The following KCND2 variants were observed in gnomAD, a reference collection of about 807,000 sequenced individuals.
The protein encoded by KCND2 is A-type voltage-gated potassium channel KCND2.
A neutral mutation model predicts 54.4 loss-of-function variants in KCND2; 16 were observed. The ratio of observed to expected loss-of-function variants is 0.29; its 90% confidence interval spans 0.20 to 0.45. The LOEUF (loss-of-function observed/expected upper bound fraction) is 0.45. KCND2 is among the 20% of genes least tolerant of loss of function. KCND2 has a pLI of 1.00. For synonymous variants in KCND2, 317 were observed against 310.7 expected, an observed-to-expected ratio of 1.02 and a Z score of -0.21; for missense variants, 486 against 824.2, an observed-to-expected ratio of 0.59 and a Z score of 5.02.
At chr7:120,491,215 A>T (rs768120123) in intron 1 of KCND2, among the ~76,000 whole-genome samples, 2 of 152,148 alleles carry the variant, frequency 1.3e-5, no homozygotes, top group Non-Finnish European at 2.9e-5. Flanking sequence ...GGGTTCACTA[A>T]GTTGAAGATA....
chr7:120,628,298 C>T (rs1793186878), intron 1 of KCND2, among the ~76,000 whole-genome samples: 1 of 152,196 alleles, frequency 6.6e-6, no homozygotes. Flanking sequence ...AAACTATAAA[C>T]CAAATTCATG....
chr7:120,459,828 C>T (rs1802257287), intron 1 of KCND2, among the ~76,000 whole-genome samples: 1 of 152,126 alleles, frequency 6.6e-6, no homozygotes, highest in Non-Finnish European at 1.5e-5. Context: ...TATTTCTATC[C>T]TCATCCCTGT....
intron 1 of KCND2, among the ~76,000 whole-genome samples, chr7:120,551,418 A>G (rs1242594653): frequency 2.0e-5 from 3 of 152,186 alleles, no homozygotes; most frequent in African/African-American, 7.2e-5. Context: ...GCCAGACAGT[A>G]TCCTAGGTAT....
At chr7:120,312,352 A>G (rs1161313038) in intron 1 of KCND2, among the ~76,000 whole-genome samples, 1 of 151,946 alleles carries the variant, frequency 6.6e-6, no homozygotes, top group Admixed American at 6.6e-5. Flanking sequence ...GAACATGCAC[A>G]TACATGTGTT....
chr7:120,294,528 GTTATGA>G lies in KCND2; in HGVS notation c.1115+18788_1115+18793del, dbSNP rs574729256. Among the ~76,000 whole-genome samples, 38 of 151,632 alleles carry G rather than the reference GTTATGA, an allele frequency of 2.5e-4. 1 individual carries two copies. The South Asian group carries it at 7.9e-3, about 32-fold the overall frequency. The stretch of plus-strand genomic sequence containing the variant: ...TGATTAATGCCGTATAATATAAAAA[GTTATGA>G]TTATGAAATACATTTACATATTTAT... On this transcript the variant is annotated intron_variant, in intron 1 of 5. Coordinates refer to ENST00000331113, the MANE Select transcript of KCND2 (RefSeq NM_012281.3).
Position 120,747,759 on chromosome 7 carries a change from A to C in KCND2, c.1794A>C (p.Ile598=). Residue 598 remains isoleucine, a synonymous_variant, in exon 6 of 6, where the codon ATA becomes ATC. Transcript: ENST00000331113. ...AACCTTATGTGACTACAGCAATAAT[A>C]AGCATCCCAACACCTCCAGTAACCA... The part of the protein sequence containing the change: ...CEQPYVTTAI[I]SIPTPPVTTP... The C allele has an allele frequency of 6.2e-7, 1 of 1,612,316 alleles. No individual in the cohort carries two copies. Among genetic ancestry groups the C allele is most frequent in the Non-Finnish European group, 8.5e-7 (1 of 1,178,700 alleles).
rs79778637 is a variant in KCND2 at position 120,288,014 on chromosome 7, T to C, written c.1115+12267T>C. ...GTGCTAAGGTATAAGGTTTCAGAGA[T>C]AACAATCATTAGTCAGTGTTTAGGA... On this transcript the variant is annotated intron_variant, in intron 1 of 5. Transcript: ENST00000331113. 2.3e-3 allele frequency among the ~76,000 whole-genome samples: 355 copies of C among 152,270 alleles called. 5 individuals carry two copies. In the East Asian group the frequency reaches 0.042, roughly 18 times the overall value.
At chr7:120,307,216 G>T (rs1444892825) in intron 1 of KCND2, among the ~76,000 whole-genome samples, 2 of 149,318 alleles carry the variant, frequency 1.3e-5, no homozygotes, top group Admixed American at 6.7e-5. Flanking sequence ...TTTATGTAGA[G>T]AAAAAAAAAC....
chr7:120,282,057 A>C (rs1463141523), intron 1 of KCND2, among the ~76,000 whole-genome samples: 1 of 152,148 alleles, frequency 6.6e-6, no homozygotes, highest in Non-Finnish European at 1.5e-5. Context: ...TTTCTTGAAC[A>C]GTTTGATTTC....
chr7:120,444,995 A>C (rs1372180710), intron 1 of KCND2, among the ~76,000 whole-genome samples: 9 of 152,122 alleles, frequency 5.9e-5, no homozygotes, highest in African/African-American at 2.2e-4. Flanking sequence ...TTTTCTGCCC[A>C]CTTCACAAAG....
chr7:120,414,729 T>A (rs1322478921), intron 1 of KCND2, among the ~76,000 whole-genome samples: 1 of 152,170 alleles, frequency 6.6e-6, no homozygotes, highest in Non-Finnish European at 1.5e-5. Flanking sequence ...CACCACTTTT[T>A]CCTTGATTCC....
At chr7:120,291,232 G>A (rs1452493099) in intron 1 of KCND2, among the ~76,000 whole-genome samples, 5 of 151,820 alleles carry the variant, frequency 3.3e-5, no homozygotes, top group African/African-American at 1.2e-4. Context: ...CATTTATGAA[G>A]ATGGAAATAT....
rs138963685 is a variant in KCND2, at chr7:120,653,445, C to T, written c.1116-79458C>T. Among the ~76,000 whole-genome samples the T allele has an allele frequency of 5.4e-4, 82 of 152,202 alleles. No homozygotes were observed. The East Asian group carries it at 0.014, about 27-fold the overall frequency. Reference sequence around the variant, plus strand: ...TTAGCAACTCTGGGACTTTGATAAACGGCCACTCGTTGACCTGGATTGGAC... The same window carrying T: ...TTAGCAACTCTGGGACTTTGATAAATGGCCACTCGTTGACCTGGATTGGAC... On this transcript the variant is annotated intron_variant, in intron 1 of 5. Coordinates refer to ENST00000331113, the MANE Select transcript of KCND2 (RefSeq NM_012281.3).
intron 1 of KCND2, among the ~76,000 whole-genome samples, chr7:120,710,985 A>G (rs1792530470): frequency 6.6e-6 from 1 of 152,144 alleles, no homozygotes; most frequent in Non-Finnish European, 1.5e-5. Context: ...TATTCTGTAT[A>G]CATTGTTTCT....
intron 1 of KCND2, among the ~76,000 whole-genome samples, chr7:120,536,080 C>G (rs1033571846): frequency 6.6e-6 from 1 of 152,200 alleles, no homozygotes; most frequent in African/African-American, 2.4e-5. Flanking sequence ...GATACTGTGT[C>G]GTTCAGTTCC....
chr7:120,568,153 A>T (rs1426683696), intron 1 of KCND2, among the ~76,000 whole-genome samples: 1 of 152,150 alleles, frequency 6.6e-6, no homozygotes, highest in Non-Finnish European at 1.5e-5. Flanking sequence ...TGTGAGACAG[A>T]CAGCAAATAA....
At chr7:120,515,881 G>T (rs1803189628) in intron 1 of KCND2, among the ~76,000 whole-genome samples, 1 of 152,112 alleles carries the variant, frequency 6.6e-6, no homozygotes, top group Admixed American at 6.6e-5. Context: ...GTCAGAAGAA[G>T]AAGAAAGAGA....
At chr7:120,622,711 TCTCTCACA>T (rs1446945926) in intron 1 of KCND2, among the ~76,000 whole-genome samples, 297 of 134,070 alleles carry the variant, frequency 2.2e-3, no homozygotes, top group African/African-American at 7.8e-3. Flanking sequence ...TCTCTCTCTC[TCTCTCACA>T]CACACACACA....
At position 120,699,030 on chromosome 7, in the gene KCND2, C is replaced by T. The variant is rs187084659; in HGVS notation, c.1116-33873C>T. 7.2e-5 allele frequency among the ~76,000 whole-genome samples: 11 copies of T among 152,182 alleles called. No homozygotes were observed. In the East Asian group the frequency reaches 2.1e-3, roughly 29 times the overall value. On this transcript the variant is annotated intron_variant, in intron 1 of 5. Transcript: ENST00000331113. ...GCACGGTGGCTCACGCCTGTAATCC[C>T]AGCACTTTGGGAGGCCGAGGTGGGC... is the stretch of plus-strand genomic sequence containing the variant.
Sources: allele counts gnomAD v4.1 joint callset (sites outside exome capture counted in the v4.1 genomes callset), GRCh38; gene constraint gnomAD v4.1.1; transcripts MANE v1.5; gene names NCBI Gene and HGNC (gene_info 2026-07-23, HGNC 2026-07-21).